Variants in NYAP2 observed in about 807,000 individuals in gnomAD.
NYAP2 encodes neuronal tyrosine-phosphorylated phosphoinositide-3-kinase adaptor 2, also known as neuronal tyrosine-phosphorylated phosphoinositide-3-kinase adapter 2.
In NYAP2, 23 loss-of-function variants were observed where a neutral mutation model predicts 50.4. That is an observed-to-expected ratio of 0.46 (90% CI 0.33 to 0.65). The LOEUF is 0.65. Ranked by LOEUF, NYAP2 falls within the 30% of genes least tolerant of loss-of-function variation. NYAP2 has a pLI of 0.02. For synonymous variants in NYAP2, 394 were observed against 365.2 expected (o/e 1.08, Z -0.90); for missense variants, 885 against 861.0 (o/e 1.03, Z -0.35).
chr2:225,480,648 G>T (rs567607561), intron 3 of NYAP2, among the ~76,000 whole-genome samples: 1 of 152,086 alleles, frequency 6.6e-6, no homozygotes, highest in South Asian at 2.1e-4. Flanking sequence ...ATAGCAAGAA[G>T]GATCTTAAAG....
intron 3 of NYAP2, among the ~76,000 whole-genome samples, chr2:225,419,893 C>T (rs1413245768): frequency 6.6e-6 from 1 of 152,102 alleles, no homozygotes; most frequent in East Asian, 1.9e-4. Context: ...ATGTACCCAG[C>T]CCCCAACTGT....
At chr2:225,559,712 G>T (rs1477901669) in intron 4 of NYAP2, among the ~76,000 whole-genome samples, 1 of 151,990 alleles carries the variant, frequency 6.6e-6, no homozygotes, top group East Asian at 1.9e-4. Context: ...ATATTAGATT[G>T]AAATGAAGTG....
chr2:225,637,713 C>A (rs1693446029), intron 6 of NYAP2, among the ~76,000 whole-genome samples: 1 of 152,170 alleles, frequency 6.6e-6, no homozygotes, highest in Admixed American at 6.5e-5. Flanking sequence ...ACTGTGACTT[C>A]TGCTGGCTAG....
chr2:225,631,976 C>T (rs1693324903), intron 6 of NYAP2, among the ~76,000 whole-genome samples: 2 of 152,242 alleles, frequency 1.3e-5, no homozygotes, highest in South Asian at 4.1e-4. Context: ...CACCACCATG[C>T]CTGGCTAATT....
At chr2:225,485,031 G>A (rs1574638158) in intron 3 of NYAP2, among the ~76,000 whole-genome samples, 1 of 152,308 alleles carries the variant, frequency 6.6e-6, no homozygotes, top group East Asian at 1.9e-4. Flanking sequence ...GCTTACAGCA[G>A]TTGGTCATTA....
chr2:225,675,200 T>C, the NYAP2 span, among the ~76,000 whole-genome samples: 1 of 152,118 alleles, frequency 6.6e-6, no homozygotes, highest in African/African-American at 2.4e-5. Flanking sequence ...CATGGGTAAA[T>C]TGCCGATGCC....
At chr2:225,480,213 T>C (rs1383634427) in intron 3 of NYAP2, among the ~76,000 whole-genome samples, 1 of 152,132 alleles carries the variant, frequency 6.6e-6, no homozygotes, top group Admixed American at 6.6e-5. Context: ...GAATGTCTAC[T>C]ACATGTGGGT....
At chr2:225,432,333 T>A (rs1177438832) in intron 3 of NYAP2, among the ~76,000 whole-genome samples, 1 of 151,234 alleles carries the variant, frequency 6.6e-6, no homozygotes, top group East Asian at 1.9e-4. Context: ...CTGTGGTGAC[T>A]GATCAGGGAT....
At chr2:225,634,773 A>G (rs1693382938) in intron 6 of NYAP2, among the ~76,000 whole-genome samples, 1 of 152,190 alleles carries the variant, frequency 6.6e-6, no homozygotes, top group Non-Finnish European at 1.5e-5. Flanking sequence ...AGACATTTGC[A>G]GCCATAATTC....
intron 5 of NYAP2, among the ~76,000 whole-genome samples, chr2:225,612,553 G>A (rs527396873): frequency 3.9e-5 from 6 of 152,198 alleles, no homozygotes; most frequent in Non-Finnish European, 8.8e-5. Flanking sequence ...TTAAACAACA[G>A]ACATTTCTTT....
At chr2:225,680,916 T>C in the NYAP2 span, among the ~76,000 whole-genome samples, 1 of 152,150 alleles carries the variant, frequency 6.6e-6, no homozygotes. Flanking sequence ...TTCTAAACCA[T>C]TTCACCCCAG....
At chr2:225,552,581 T>A (rs1435422118) in intron 4 of NYAP2, among the ~76,000 whole-genome samples, 1 of 152,204 alleles carries the variant, frequency 6.6e-6, no homozygotes, top group Non-Finnish European at 1.5e-5. Context: ...CTCTCTGCTC[T>A]CTACTGTGTG....
At chr2:225,696,836 A>G in the NYAP2 span, among the ~76,000 whole-genome samples, 1 of 151,956 alleles carries the variant, frequency 6.6e-6, no homozygotes, top group Non-Finnish European at 1.5e-5. Flanking sequence ...GAGAGTTACC[A>G]AATCACTTTA....
At position 225,513,623 on chromosome 2, in the gene NYAP2, C is replaced by T. The variant is rs181736689; in HGVS notation, c.474C>T (p.Val158=). ...AGCTGAGCACCTCATCAGAGACAGT[C>T]AGCAGCACTGCAGCCAGTAAGAGCG... Residue 158 remains valine, a synonymous_variant, in exon 4 of 7, where the codon GTC becomes GTT. Transcript: ENST00000636099. 4.1e-3 allele frequency: 6,261 copies of T among 1,543,908 alleles called. 76 individuals are homozygous for T. Among genetic ancestry groups the T allele is most frequent in the Non-Finnish European group, 2.9e-3 (3,329 of 1,145,728 alleles).
intron 3 of NYAP2, among the ~76,000 whole-genome samples, chr2:225,501,441 T>G (rs1690605383): frequency 6.6e-6 from 1 of 152,184 alleles, no homozygotes; most frequent in South Asian, 2.1e-4. Context: ...ATGTAAATAA[T>G]GTATAAAACA....
chr2:225,534,367 T>A (rs1691310568), intron 4 of NYAP2, among the ~76,000 whole-genome samples: 1 of 152,244 alleles, frequency 6.6e-6, no homozygotes, highest in Admixed American at 6.5e-5. Flanking sequence ...GGAATCCATA[T>A]GATTGTTCTT....
chr2:225,637,411 C>T (rs916747756), intron 6 of NYAP2, among the ~76,000 whole-genome samples: 2 of 152,124 alleles, frequency 1.3e-5, no homozygotes, highest in African/African-American at 4.8e-5. Flanking sequence ...CTGTGAACTT[C>T]CAGAGTTACG....
chr2:225,622,314 G>A (rs971856503), intron 5 of NYAP2, among the ~76,000 whole-genome samples: 1 of 151,572 alleles, frequency 6.6e-6, no homozygotes, highest in Non-Finnish European at 1.5e-5. Context: ...TCACAGGCGT[G>A]AGGCATTGAA....
At chr2:225,518,848 A>G (rs1690990800) in intron 4 of NYAP2, among the ~76,000 whole-genome samples, 1 of 151,466 alleles carries the variant, frequency 6.6e-6, no homozygotes, top group African/African-American at 2.4e-5. Flanking sequence ...GTGAAACCCC[A>G]TCGGTCTAAA....
Sources: gnomAD v4.1 joint callset for allele counts (sites outside exome capture counted in the v4.1 genomes callset) on GRCh38, gnomAD v4.1.1 for gene constraint, MANE v1.5 for transcripts, NCBI Gene and HGNC (gene_info 2026-07-23, HGNC 2026-07-21) for gene names.